The following CD36 variants were observed in gnomAD, a reference collection of about 807,000 sequenced individuals.
The protein encoded by CD36 is platelet glycoprotein 4.
A neutral mutation model predicts 55.2 loss-of-function variants in CD36; 119 were observed. That is an observed-to-expected ratio of 2.15 (90% CI 1.86 to 2.51). CD36 has a LOEUF of 2.51. Among genes scored for constraint, CD36 ranks in the 30% most tolerant of loss-of-function variants. The pLI is 0.00. For missense variants in CD36, 819 were observed against 555.5 expected (o/e 1.47, Z -4.77); for synonymous variants, 186 against 193.6 (o/e 0.96, Z 0.33).
At chr7:80,659,351 A>G (rs1796342429) in intron 4 of CD36, among the ~76,000 whole-genome samples, 1 of 152,170 alleles carries the variant, frequency 6.6e-6, no homozygotes, top group Admixed American at 6.5e-5. Context: ...GACCTGAATC[A>G]AAGCACGAAA....
In CD36 at chr7:80,678,732, A is replaced by T. The variant is rs1364791846; in HGVS notation, c.*2349A>T. 1 of 152,120 alleles carries T rather than the reference A, an allele frequency of 6.6e-6. No homozygotes were observed. Among genetic ancestry groups the T allele is most frequent in the Non-Finnish European group, 1.5e-5 (1 of 68,048 alleles). The allele number at this position is 152,120 out of a possible 1,614,324, so 9.4% of individuals were successfully genotyped here. A position where few individuals can be genotyped will look rare whatever the true frequency, so the allele number is the denominator to read the frequency against. ...GCGGGGTGTGGTGGCCCATGCCTGTAGTCCCAGCTGCTCGGGAGACTGAAT... is the reference window on the plus strand; with the variant it reads ...GCGGGGTGTGGTGGCCCATGCCTGTTGTCCCAGCTGCTCGGGAGACTGAAT... On this transcript the variant is annotated 3_prime_UTR_variant, in exon 15 of 15. Coordinates refer to ENST00000447544, the MANE Select transcript of CD36 (RefSeq NM_001001548.3).
intron 1 of CD36, among the ~76,000 whole-genome samples, chr7:80,625,901 T>C (rs925169092): frequency 6.6e-6 from 1 of 152,152 alleles, no homozygotes; most frequent in African/African-American, 2.4e-5. Context: ...GTAACTAACT[T>C]CATCCACTTA....
rs1324285170 is a variant in CD36, at chr7:80,671,869, T to C, written c.1007-53T>C. The C allele has an allele frequency of 3.9e-6, 6 of 1,546,032 alleles. No individual in the cohort carries two copies. In the Admixed American group the frequency reaches 8.4e-5, roughly 22 times the overall value. On this transcript the variant is annotated intron_variant, in intron 10 of 14. Transcript: ENST00000447544. ...TTGTGGAAATATTTTTTGAGTTATATGTGAAATGAAGGAAGTTATTAATTC... is the reference window on the plus strand; with the variant it reads ...TTGTGGAAATATTTTTTGAGTTATACGTGAAATGAAGGAAGTTATTAATTC...
At chr7:80,664,834 T>C (rs1584434003) in intron 7 of CD36, among the ~76,000 whole-genome samples, 1 of 123,408 alleles carries the variant, frequency 8.1e-6, no homozygotes, top group East Asian at 2.2e-4. Flanking sequence ...TACAATTAGA[T>C]AACCATAAAT....
intron 1 of CD36, among the ~76,000 whole-genome samples, chr7:80,623,617 A>G (rs1195802964): frequency 1.3e-5 from 2 of 152,214 alleles, no homozygotes; most frequent in African/African-American, 4.8e-5. Flanking sequence ...ATAAACAGCT[A>G]TTATAAGCCT....
chr7:80,642,201 A>G (rs1445265917), intron 1 of CD36, among the ~76,000 whole-genome samples: 2 of 152,150 alleles, frequency 1.3e-5, no homozygotes, highest in African/African-American at 4.8e-5. Flanking sequence ...TATTTTAAGC[A>G]GGAAGTAAAT....
intron 14 of CD36, among the ~76,000 whole-genome samples, chr7:80,675,551 A>T (rs900235494): frequency 6.6e-6 from 1 of 152,100 alleles, no homozygotes; most frequent in African/African-American, 2.4e-5. Context: ...GTCAACAAAT[A>T]TATTAGTTTT....
rs1188328485 is a variant in CD36 at position 80,656,447 on chromosome 7, T to C, written c.121-93T>C. The C allele has an allele frequency of 3.4e-6, 4 of 1,176,836 alleles. No individual in the cohort carries two copies. The East Asian group carries it at 9.9e-5, about 29-fold the overall frequency. 72.9% of individuals were successfully genotyped at this position (1,176,836 alleles called of 1,614,324 possible). On this transcript the variant is annotated intron_variant, in intron 3 of 14. Coordinates refer to ENST00000447544, the MANE Select transcript of CD36 (RefSeq NM_001001548.3). ...GAATGAGGTACTTGGGCTTGGTCCTTTTATTCTGGCTGACTCAAGGCTGCA... is the reference window on the plus strand; with the variant it reads ...GAATGAGGTACTTGGGCTTGGTCCTCTTATTCTGGCTGACTCAAGGCTGCA...
At chr7:80,674,203 T>C in intron 14 of CD36, 56 bp downstream of exon 14, 1 of 1,265,072 alleles carries the variant, frequency 7.9e-7, no homozygotes, top group South Asian at 1.2e-5. Flanking sequence ...TATTACTTGT[T>C]TTCACTTTAT....
At chr7:80,610,822 T>C (rs1255707827) in intron 1 of CD36, among the ~76,000 whole-genome samples, 1 of 152,146 alleles carries the variant, frequency 6.6e-6, no homozygotes, top group Non-Finnish European at 1.5e-5. Context: ...ATCTGCCTGC[T>C]TCAGCCTCCC....
intron 3 of CD36, 121 bp downstream of exon 3, chr7:80,646,981 A>G: frequency 9.1e-7 from 1 of 1,104,818 alleles, no homozygotes; most frequent in Non-Finnish European, 1.4e-6. Flanking sequence ...TTTGACATAA[A>G]GGTAATTATG....
rs192167463 is a variant in CD36 at position 80,666,866 on chromosome 7, C to G, written c.748+377C>G. Among the ~76,000 whole-genome samples, 394 of 152,042 alleles carry G rather than the reference C, an allele frequency of 2.6e-3. No individual in the cohort carries two copies. In the Middle Eastern group the frequency reaches 0.027, roughly 11 times the overall value. ...TTAGAATTGAAAGAATTAAAAAAAG[C>G]TAATTACAAAATAGAAAACATATCT... On this transcript the variant is annotated intron_variant, in intron 8 of 14. Coordinates refer to ENST00000447544, the MANE Select transcript of CD36 (RefSeq NM_001001548.3).
Position 80,672,815 on chromosome 7 carries a change from C to CTA in CD36, c.1173_1174dup (p.Leu392TyrfsTer12), listed in dbSNP as rs1554346650. ...ATTTGCAAAACGGCTGCAGGTCAAC[C>CTA]TATTGGTCAAGCCATCAGAAAAAAT... On this transcript the variant is annotated frameshift_variant, in exon 12 of 15. Transcript: ENST00000447544. LOFTEE classifies it high-confidence loss of function. The CTA allele has an allele frequency of 1.9e-6, 3 of 1,610,712 alleles. No homozygotes were observed. The South Asian group carries it at 3.3e-5, about 18-fold the overall frequency.
Position 80,666,487 on chromosome 7 carries a change from C to A in CD36, c.746C>A (p.Thr249Lys), listed in dbSNP as rs149178142. 5 of 1,605,446 alleles carry A rather than the reference C, an allele frequency of 3.1e-6. No individual in the cohort carries two copies. Among genetic ancestry groups the A allele is most frequent in the South Asian group, 1.1e-5 (1 of 90,882 alleles). Residue 249 changes from threonine (T) to lysine (K), a missense_variant and splice_region_variant, in exon 8 of 15, where the codon ACA becomes AAA. Transcript: ENST00000447544. ...WESHCDMING[T>K]DAASFPPFVE... is the part of the protein sequence containing the mutation. The stretch of plus-strand genomic sequence containing the variant: ...AGTCACTGCGACATGATTAATGGTA[C>A]AGGTAAGAATATTTGTTTTGTGGTC...
intron 7 of CD36, among the ~76,000 whole-genome samples, chr7:80,665,493 G>C (rs575612629): frequency 6.6e-5 from 10 of 152,138 alleles, no homozygotes; most frequent in African/African-American, 2.4e-4. Flanking sequence ...AGAGTCCACA[G>C]TTACATATTT....
chr7:80,613,868 T>C (rs1039137736), intron 1 of CD36, among the ~76,000 whole-genome samples: 5 of 152,184 alleles, frequency 3.3e-5, no homozygotes, highest in Non-Finnish European at 5.9e-5. Context: ...GAAGTTAATA[T>C]AGTACTTTTG....
rs59555088 is a variant in CD36 at position 80,650,927 on chromosome 7, C to CAAA, written c.120+4081_120+4083dup. On this transcript the variant is annotated intron_variant, in intron 3 of 14. Transcript: ENST00000447544. ...CAGCCAGCAAGTTTATGCAGTCTTT[C>CAAA]AAAAAAAAAAAAAAAACTAAAAATC... Among the ~76,000 whole-genome samples the CAAA allele has an allele frequency of 1.7e-3, 229 of 133,436 alleles. 2 individuals are homozygous for CAAA. The highest frequency in any genetic ancestry group is 6.1e-3 in the African/African-American group (213 of 34,750). The allele number at this position is 133,436 out of a possible 152,430, so 87.5% of individuals were successfully genotyped here.
intron 6 of CD36, among the ~76,000 whole-genome samples, 179 bp from the exon 7 acceptor site, chr7:80,664,227 C>A (rs765762202): frequency 1.8e-4 from 28 of 151,988 alleles, no homozygotes; most frequent in Admixed American, 1.4e-3. Context: ...CAGCATCTAG[C>A]ACTTATTTCT....
At chr7:80,652,448 A>T (rs993846359) in intron 3 of CD36, among the ~76,000 whole-genome samples, 4 of 152,206 alleles carry the variant, frequency 2.6e-5, no homozygotes, top group African/African-American at 9.6e-5. Context: ...AACTAAAGCC[A>T]TTTTCAGATT....
Sources: allele counts gnomAD v4.1 joint callset (sites outside exome capture counted in the v4.1 genomes callset), GRCh38; gene constraint gnomAD v4.1.1; transcripts MANE v1.5; gene names NCBI Gene and HGNC (gene_info 2026-07-23, HGNC 2026-07-21).